The following L1TD1 variants were observed in gnomAD, a reference collection of about 807,000 sequenced individuals.
L1TD1 encodes LINE1 type transposase domain containing 1, also known as LINE-1 type transposase domain-containing protein 1.
In L1TD1, 26 loss-of-function variants were observed where a neutral mutation model predicts 25.7. The ratio of observed to expected loss-of-function variants is 1.01; its 90% confidence interval spans 0.74 to 1.40. The LOEUF is 1.40. L1TD1 is among the 40% of genes most tolerant of loss of function. The pLI is 0.00. For missense variants in L1TD1, 1,130 were observed against 975.0 expected, an observed-to-expected ratio of 1.16 and a Z score of -2.12; for synonymous variants, 421 against 335.6, an observed-to-expected ratio of 1.25 and a Z score of -2.78.
At position 62,211,289 on chromosome 1, in the gene L1TD1, G is replaced by A. The variant is rs778290486; in HGVS notation, c.2515G>A (p.Val839Ile). The part of the protein sequence containing the change: ...MAFDFRGKTK[V>I]FLSIEEFRDY... Reference sequence around the variant, plus strand: ...ATTTGATTTTAGGGGTAAAACAAAGGTATTTCTTAGTATTGAAGAATTTAG... The same window carrying A: ...ATTTGATTTTAGGGGTAAAACAAAGATATTTCTTAGTATTGAAGAATTTAG... Residue 839 changes from valine to isoleucine, a missense_variant, in exon 4 of 4, where the codon GTA becomes ATA. By Grantham distance (29) the Val-to-Ile change is conservative. Transcript: ENST00000498273. 22 of 1,612,696 alleles carry A rather than the reference G, an allele frequency of 1.4e-5. No homozygotes were observed. The Admixed American group carries it at 3.3e-4, about 25-fold the overall frequency.
At chr1:62,199,353 C>T (rs951617157) in intron 2 of L1TD1, among the ~76,000 whole-genome samples, 1 of 152,020 alleles carries the variant, frequency 6.6e-6, no homozygotes, top group African/African-American at 2.4e-5. Context: ...CAAAAATTAG[C>T]CGGGCATGGT....
chr1:62,201,909 G>C (rs1280642606), intron 2 of L1TD1, among the ~76,000 whole-genome samples: 1 of 152,106 alleles, frequency 6.6e-6, no homozygotes, highest in Non-Finnish European at 1.5e-5. Flanking sequence ...GTCCTGTATA[G>C]GGTCCTATGG....
intron 2 of L1TD1, among the ~76,000 whole-genome samples, chr1:62,201,274 A>G (rs1331922325): frequency 6.6e-6 from 1 of 152,106 alleles, no homozygotes; most frequent in Non-Finnish European, 1.5e-5. Context: ...TAAAGGCACA[A>G]TTGTTATCAG....
Position 62,207,091 on chromosome 1 carries a change from A to G in L1TD1, c.463A>G (p.Asn155Asp), listed in dbSNP as rs1158629589. 4 of 1,611,964 alleles carry G rather than the reference A, an allele frequency of 2.5e-6. No homozygotes were observed. The highest frequency in any genetic ancestry group is 2.5e-6 in the Non-Finnish European group (3 of 1,178,844). ...KLDNTNEYNS[N>D]DGKKLPQGES... ...AGACAACACTAACGAATACAATAGT[A>G]ATGATGGTAAGAAATTACCCCAGGG... The change falls in exon 3 of 4, where the codon AAT becomes GAT. Residue 155 changes from asparagine to aspartate, a missense_variant. Transcript: ENST00000498273.
chr1:62,205,420 T>C (rs868286379), intron 2 of L1TD1, among the ~76,000 whole-genome samples: 120 of 16,008 alleles, frequency 7.5e-3, no homozygotes, highest in African/African-American at 0.046. Context: ...TCTCTCTCTA[T>C]ATATATATAT....
chr1:62,211,463 A>T lies in L1TD1; in HGVS notation c.*91A>T. ...AAACGAAAATACACTTCTACCCAGAAGGATGGACAGCTAATAGCGTACTTG... is the reference window on the plus strand; with the variant it reads ...AAACGAAAATACACTTCTACCCAGATGGATGGACAGCTAATAGCGTACTTG... On this transcript the variant is annotated 3_prime_UTR_variant, in exon 4 of 4. Coordinates refer to ENST00000498273, the MANE Select transcript of L1TD1 (RefSeq NM_019079.5). 1 of 1,505,372 alleles carries T rather than the reference A, an allele frequency of 6.6e-7. No homozygotes were observed. The allele number at this position is 1,505,372 out of a possible 1,614,324, so 93.3% of individuals were successfully genotyped here. A position where few individuals can be genotyped will look rare whatever the true frequency, so the allele number is the denominator to read the frequency against.
intron 3 of L1TD1, among the ~76,000 whole-genome samples, chr1:62,207,891 C>T (rs1221915140): frequency 6.6e-6 from 1 of 152,034 alleles, no homozygotes; most frequent in East Asian, 1.9e-4. Context: ...TTTGTATTTT[C>T]AGTAGAGACG....
chr1:62,203,429 CTT>C (rs1256403305), intron 2 of L1TD1, among the ~76,000 whole-genome samples: 3 of 149,480 alleles, frequency 2.0e-5, no homozygotes, highest in African/African-American at 4.9e-5. Flanking sequence ...ATTCTACTCT[CTT>C]TTTTTTTTGA....
In L1TD1 at chr1:62,210,135, C is replaced by A. The variant is rs775612122; in HGVS notation, c.1361C>A (p.Ala454Glu). 21 of 1,613,706 alleles carry A rather than the reference C, an allele frequency of 1.3e-5. No individual in the cohort carries two copies. Among genetic ancestry groups the A allele is most frequent in the Non-Finnish European group, 1.7e-5 (20 of 1,179,974 alleles). Residue 454 changes from alanine to glutamate, a missense_variant, in exon 4 of 4, where the codon GCA becomes GAA. By Grantham distance (107) the Ala-to-Glu change is moderately radical (BLOSUM62 -1). Transcript: ENST00000498273. ...TTTCAGGGTCATACTTTGGTAGATG[C>A]AAAGCATGAAGTTGAGATAACCAGT... ...STFQGHTLVD[A>E]KHEVEITSDG...
rs1263985685 is a variant in L1TD1 at position 62,210,272 on chromosome 1, A to T, written c.1498A>T (p.Lys500Ter). The T allele has an allele frequency of 8.1e-6, 13 of 1,614,040 alleles. No individual in the cohort carries two copies. The highest frequency in any genetic ancestry group is 1.1e-5 in the Non-Finnish European group (13 of 1,180,022). The change falls in exon 4 of 4, where the codon AAA (lysine) becomes TAA (stop). Residue 500 changes from lysine to a stop codon, truncating the protein, a stop_gained. Transcript: ENST00000498273. LOFTEE classifies it low-confidence loss of function (END_TRUNC). ...GGTAAAGACTACCTCCCTGACTGAG[A>T]AAAAAGCCTCACGTAGACAAAAAGA... is the stretch of plus-strand genomic sequence containing the variant. ...GKVKTTSLTE[K>*]KASRRQKEIP...
chr1:62,207,689 G>A (rs1449980787), intron 3 of L1TD1, 53 bp downstream of exon 3: 22 of 1,436,706 alleles, frequency 1.5e-5, no homozygotes, highest in African/African-American at 1.4e-5. Context: ...TGTAATAGTA[G>A]GCATGGTTAT....
intron 2 of L1TD1, among the ~76,000 whole-genome samples, chr1:62,197,433 A>ATATATATT (rs1174042182): frequency 7.2e-6 from 1 of 138,372 alleles, no homozygotes; most frequent in Non-Finnish European, 1.6e-5. Context: ...ATATATATAT[A>ATATATATT]GTTTAGTCCT....
intron 2 of L1TD1, among the ~76,000 whole-genome samples, chr1:62,205,443 A>ATATT (rs1553122597): frequency 1.6e-5 from 1 of 63,662 alleles, no homozygotes; most frequent in East Asian, 4.1e-4. Context: ...ATATATATAT[A>ATATT]TTTTTTTTTA....
intron 2 of L1TD1, among the ~76,000 whole-genome samples, chr1:62,198,146 C>G (rs1670578628): frequency 7.1e-6 from 1 of 141,478 alleles, no homozygotes; most frequent in Non-Finnish European, 1.6e-5. Context: ...TTGGCATTCT[C>G]CTTTATTGTC....
chr1:62,197,043 T>G (rs1323760971), intron 2 of L1TD1, among the ~76,000 whole-genome samples: 2 of 152,070 alleles, frequency 1.3e-5, no homozygotes, highest in Non-Finnish European at 2.9e-5. Flanking sequence ...AAACCACATT[T>G]TGTTTCACAT....
chr1:62,205,375 C>T (rs1406964619), intron 2 of L1TD1, among the ~76,000 whole-genome samples: 8 of 77,860 alleles, frequency 1.0e-4, no homozygotes, highest in Admixed American at 1.5e-4. Flanking sequence ...AACTCTCTTT[C>T]TCTCTCTCTC....
rs1670849351 is a variant in L1TD1 at position 62,210,687 on chromosome 1, C to A, written c.1913C>A (p.Ser638Tyr). 1 of 1,553,066 alleles carries A rather than the reference C, an allele frequency of 6.4e-7. No individual in the cohort carries two copies. The highest frequency in any genetic ancestry group is 1.4e-5 in the African/African-American group (1 of 73,154). Reference protein sequence around the residue: ...IKEEIGNLKSSHSGVLEIENS... With the variant: ...IKEEIGNLKSYHSGVLEIENS... ...GAGGAGATTGGAAATTTGAAAAGTT[C>A]CCATTCAGGTGTCTTGGAAATTGAA... Residue 638 changes from serine to tyrosine, a missense_variant, in exon 4 of 4, where the codon TCC (serine) becomes TAC (tyrosine). Coordinates refer to ENST00000498273, the MANE Select transcript of L1TD1 (RefSeq NM_019079.5).
At chr1:62,198,673 T>G (rs767870741) in intron 2 of L1TD1, among the ~76,000 whole-genome samples, 12 of 152,032 alleles carry the variant, frequency 7.9e-5, no homozygotes, top group Admixed American at 2.0e-4. Flanking sequence ...TCCCTAAAAT[T>G]AAAGGAAGTT....
chr1:62,197,397 T>TATATATA (rs1670562305), intron 2 of L1TD1, among the ~76,000 whole-genome samples: 26 of 80,840 alleles, frequency 3.2e-4, no homozygotes, highest in East Asian at 8.4e-4. Context: ...AAAAAATAAA[T>TATATATA]TATATATATA....
Sources: allele counts gnomAD v4.1 joint callset (sites outside exome capture counted in the v4.1 genomes callset), GRCh38; gene constraint gnomAD v4.1.1; transcripts MANE v1.5; gene names NCBI Gene and HGNC (gene_info 2026-07-23, HGNC 2026-07-21).